Variants in MEIS2 observed in about 807,000 individuals in gnomAD.
MEIS2 encodes the protein Meis homeobox 2.
MEIS2 carries 9 observed loss-of-function variants against 58.6 expected under a neutral mutation model. The observed-to-expected ratio is 0.15, with a 90% CI of 0.09 to 0.27. The LOEUF is 0.27. Ranked by LOEUF, MEIS2 falls within the 10% of genes least tolerant of loss-of-function variation. The pLI is 1.00. For missense variants in MEIS2, 427 were observed against 635.0 expected (o/e 0.67, Z 3.52); for synonymous variants, 221 against 228.4 (o/e 0.97, Z 0.29).
In MEIS2 at chr15:36,972,219, G is replaced by A. The variant is rs537693356; in HGVS notation, c.901-21819C>T. The stretch of plus-strand genomic sequence containing the variant: ...CAAAAGTAAGTTATGATAAGATGTA[G>A]TAGGAAGAGAATGAACCTTAAGAGA... On this transcript the variant is annotated intron_variant, in intron 8 of 11. Transcript: ENST00000561208. 2.6e-5 allele frequency among the ~76,000 whole-genome samples: 4 copies of A among 152,282 alleles called. No homozygotes were observed. In the East Asian group the frequency reaches 7.7e-4, roughly 29 times the overall value.
intron 7 of MEIS2, among the ~76,000 whole-genome samples, chr15:37,060,860 T>C (rs1266680266): frequency 6.6e-6 from 1 of 152,210 alleles, no homozygotes; most frequent in Non-Finnish European, 1.5e-5. Context: ...AATCATGTTT[T>C]ATCTGCCAAG....
intron 9 of MEIS2, among the ~76,000 whole-genome samples, chr15:36,901,563 T>G (rs536908620): frequency 6.6e-6 from 1 of 152,304 alleles, no homozygotes; most frequent in East Asian, 1.9e-4. Context: ...CATATGTTAC[T>G]TAGGGACAGA....
At chr15:37,032,918 A>G (rs1012384944) in intron 8 of MEIS2, among the ~76,000 whole-genome samples, 3 of 152,204 alleles carry the variant, frequency 2.0e-5, no homozygotes, top group African/African-American at 7.2e-5. Context: ...TTTAAATGCC[A>G]CTTTGGACTT....
Position 36,896,611 on chromosome 15 carries a change from T to A in MEIS2, c.1036+17A>T, listed in dbSNP as rs2056190429. The A allele has an allele frequency of 1.1e-5, 17 of 1,601,020 alleles. No homozygotes were observed. The highest frequency in any genetic ancestry group is 1.4e-5 in the Non-Finnish European group (16 of 1,171,662). ...TGTGCCTGTGGGACATAAATATAGA[T>A]ACTACTTGGAACTTGCCTGCTCGAT... On this transcript the variant is annotated intron_variant, in intron 10 of 11. Transcript: ENST00000561208.
chr15:36,992,288 T>A (rs760677089), intron 8 of MEIS2, among the ~76,000 whole-genome samples: 27 of 152,084 alleles, frequency 1.8e-4, no homozygotes, highest in African/African-American at 6.5e-4. Flanking sequence ...GAAAAGTTCA[T>A]AATGTTGAAA....
intron 7 of MEIS2, among the ~76,000 whole-genome samples, chr15:37,046,931 C>T (rs2062700343): frequency 6.6e-6 from 1 of 151,846 alleles, no homozygotes; most frequent in South Asian, 2.1e-4. Flanking sequence ...GATCTCTGTT[C>T]TCCTAAGTCT....
At chr15:37,098,255 G>T in intron 1 of MEIS2, 56 bp from the exon 2 acceptor site, 2 of 1,490,294 alleles carry the variant, frequency 1.3e-6, no homozygotes, top group South Asian at 1.3e-5. Flanking sequence ...AACAGAGGAG[G>T]GGGGTGGAAA....
At chr15:36,914,324 G>A (rs1293998664) in intron 9 of MEIS2, among the ~76,000 whole-genome samples, 1 of 152,238 alleles carries the variant, frequency 6.6e-6, no homozygotes, top group Non-Finnish European at 1.5e-5. Flanking sequence ...AAATCGGACT[G>A]AACTTTGGCA....
At chr15:37,041,313 G>T (rs766530485) in intron 7 of MEIS2, among the ~76,000 whole-genome samples, 1 of 152,156 alleles carries the variant, frequency 6.6e-6, no homozygotes, top group Admixed American at 6.5e-5. Flanking sequence ...ACTCTAGCTC[G>T]AGAACCACTG....
chr15:37,042,105 T>G (rs1281279012), intron 7 of MEIS2, among the ~76,000 whole-genome samples: 13 of 152,152 alleles, frequency 8.5e-5, no homozygotes, highest in Non-Finnish European at 2.9e-5. Context: ...GGGCAGTGAT[T>G]GCACCACTGC....
intron 8 of MEIS2, among the ~76,000 whole-genome samples, chr15:36,951,414 C>T (rs936603878): frequency 3.9e-5 from 6 of 152,072 alleles, no homozygotes; most frequent in African/African-American, 1.2e-4. Flanking sequence ...ATAAATACTT[C>T]CCATCAACAT....
chr15:37,091,621 C>G (rs1462198090), intron 6 of MEIS2, among the ~76,000 whole-genome samples: 1 of 152,140 alleles, frequency 6.6e-6, no homozygotes, highest in Non-Finnish European at 1.5e-5. Flanking sequence ...TTAGGTACAA[C>G]TTCCTTCTTG....
chr15:37,019,504 C>T (rs189125279), intron 8 of MEIS2, among the ~76,000 whole-genome samples: 12 of 152,240 alleles, frequency 7.9e-5, no homozygotes, highest in African/African-American at 2.9e-4. Context: ...TAGTATTTTG[C>T]TATAGAATCA....
At chr15:36,948,835 C>T (rs1411773891) in intron 9 of MEIS2, among the ~76,000 whole-genome samples, 1 of 151,954 alleles carries the variant, frequency 6.6e-6, no homozygotes, top group East Asian at 1.9e-4. Context: ...ACATCCCCCT[C>T]CAGAGGGGGA....
chr15:37,067,000 C>T (rs889225012), intron 7 of MEIS2, among the ~76,000 whole-genome samples: 2 of 151,396 alleles, frequency 1.3e-5, no homozygotes, highest in African/African-American at 2.4e-5. Context: ...AGCCTAGTCT[C>T]GAATACCTGG....
At chr15:36,982,235 G>T (rs2059951955) in intron 8 of MEIS2, among the ~76,000 whole-genome samples, 1 of 152,048 alleles carries the variant, frequency 6.6e-6, no homozygotes, top group Non-Finnish European at 1.5e-5. Context: ...GTACAATACA[G>T]GATTACTAAC....
chr15:37,055,708 C>A (rs150116951), intron 7 of MEIS2, among the ~76,000 whole-genome samples: 2 of 152,248 alleles, frequency 1.3e-5, no homozygotes, highest in Non-Finnish European at 2.9e-5. Context: ...TCACTAAGTA[C>A]GGAAAGCTCG....
At chr15:36,992,308 C>T (rs1192898608) in intron 8 of MEIS2, among the ~76,000 whole-genome samples, 1 of 151,984 alleles carries the variant, frequency 6.6e-6, no homozygotes, top group Non-Finnish European at 1.5e-5. Flanking sequence ...ATTAATAATT[C>T]AGCATCAGTT....
Position 36,892,049 on chromosome 15 carries a change from G to T in MEIS2, c.*124C>A. The T allele has an allele frequency of 9.1e-7, 1 of 1,097,710 alleles. No individual in the cohort carries two copies. The highest frequency in any genetic ancestry group is 2.4e-5 in the East Asian group (1 of 42,334). 68.0% of individuals were successfully genotyped at this position (1,097,710 alleles called of 1,614,324 possible). On this transcript the variant is annotated 3_prime_UTR_variant, in exon 12 of 12. Coordinates refer to ENST00000561208, the MANE Select transcript of MEIS2 (RefSeq NM_170675.5). ...GGTCCTCTGTTGCTTGATGAAAAATGACAAAAGTAAAAAATAATCACAGCT... is the reference window on the plus strand; with the variant it reads ...GGTCCTCTGTTGCTTGATGAAAAATTACAAAAGTAAAAAATAATCACAGCT...
Sources: gnomAD v4.1 joint callset for allele counts (sites outside exome capture counted in the v4.1 genomes callset) on GRCh38, gnomAD v4.1.1 for gene constraint, MANE v1.5 for transcripts, NCBI Gene and HGNC (gene_info 2026-07-23, HGNC 2026-07-21) for gene names.